Variants in SLCO3A1 observed in about 807,000 individuals in gnomAD.
The protein encoded by SLCO3A1 is solute carrier organic anion transporter family member 3A1.
In SLCO3A1, 27 loss-of-function variants were observed where a neutral mutation model predicts 63.1. That is an observed-to-expected ratio of 0.43 (90% confidence interval 0.32 to 0.59). The LOEUF is 0.59. SLCO3A1 is among the 20% of genes least tolerant of loss of function. The pLI is 0.09. For synonymous variants in SLCO3A1, 473 were observed against 409.9 expected, an observed-to-expected ratio of 1.15 and a Z score of -1.86; for missense variants, 773 against 945.8, an observed-to-expected ratio of 0.82 and a Z score of 2.40.
chr15:91,921,540 G>C (rs1052728509), intron 2 of SLCO3A1, among the ~76,000 whole-genome samples: 1 of 152,012 alleles, frequency 6.6e-6, no homozygotes. Flanking sequence ...AGGAATTGAT[G>C]ATATAGTTTT....
chr15:91,937,851 T>G (rs1032725411), intron 2 of SLCO3A1, among the ~76,000 whole-genome samples: 1 of 152,188 alleles, frequency 6.6e-6, no homozygotes, highest in African/African-American at 2.4e-5. Context: ...TTAGAACAAC[T>G]TTATTGCTTC....
chr15:92,132,567 G>A (rs981708730), intron 7 of SLCO3A1, among the ~76,000 whole-genome samples: 1 of 142,734 alleles, frequency 7.0e-6, no homozygotes, highest in Non-Finnish European at 1.6e-5. Context: ...TTAGTATGCT[G>A]TGGACTGATG....
At chr15:92,150,648 T>C (rs2151592623) in intron 8 of SLCO3A1, among the ~76,000 whole-genome samples, 2 of 152,238 alleles carry the variant, frequency 1.3e-5, no homozygotes, top group Middle Eastern at 6.8e-3. Flanking sequence ...AAAACCAACA[T>C]GTCTTTAAAC....
chr15:92,102,580 GC>G (rs11314458), intron 3 of SLCO3A1, among the ~76,000 whole-genome samples: 110,958 of 151,996 alleles, frequency 0.73, 40,674 homozygotes, highest in Admixed American at 0.83. Flanking sequence ...CTGGGATTCG[GC>G]CCCCAAGTAC....
intron 2 of SLCO3A1, among the ~76,000 whole-genome samples, chr15:91,937,613 G>A (rs572341254): frequency 6.6e-6 from 1 of 151,944 alleles, no homozygotes; most frequent in Admixed American, 6.6e-5. Context: ...CAGCTACTTG[G>A]GGGGCTGAGG....
intron 2 of SLCO3A1, among the ~76,000 whole-genome samples, chr15:92,020,797 A>G (rs2046499307): frequency 6.6e-6 from 1 of 152,204 alleles, no homozygotes; most frequent in Admixed American, 6.5e-5. Context: ...AATTTACCCA[A>G]TCCAGAAGGT....
chr15:91,926,045 G>A (rs1899000419), intron 2 of SLCO3A1, among the ~76,000 whole-genome samples: 1 of 152,200 alleles, frequency 6.6e-6, no homozygotes, highest in South Asian at 2.1e-4. Context: ...GGAAACTCAA[G>A]TAAGGCATTT....
At chr15:91,928,814 G>T (rs774774126) in intron 2 of SLCO3A1, among the ~76,000 whole-genome samples, 1 of 152,212 alleles carries the variant, frequency 6.6e-6, no homozygotes, top group Non-Finnish European at 1.5e-5. Context: ...TCTCCTTGTA[G>T]TAAAGTGAGA....
At chr15:92,153,080 TA>T (rs2048327848) in intron 9 of SLCO3A1, among the ~76,000 whole-genome samples, 1 of 152,250 alleles carries the variant, frequency 6.6e-6, no homozygotes, top group East Asian at 1.9e-4. Context: ...TACACTGCTG[TA>T]AAGCAGTTTC....
intron 1 of SLCO3A1, among the ~76,000 whole-genome samples, chr15:91,855,951 G>A (rs1319382047): frequency 1.3e-5 from 2 of 151,924 alleles, no homozygotes; most frequent in Admixed American, 1.3e-4. Flanking sequence ...TAAAAGCGTG[G>A]GCTTACTATT....
chr15:92,073,395 C>T (rs1313767190), intron 2 of SLCO3A1, among the ~76,000 whole-genome samples: 1 of 152,148 alleles, frequency 6.6e-6, no homozygotes, highest in East Asian at 1.9e-4. Context: ...AGGGTTGGTT[C>T]CTGAACCAGT....
At chr15:92,080,608 A>G (rs997742890) in intron 2 of SLCO3A1, among the ~76,000 whole-genome samples, 9 of 152,182 alleles carry the variant, frequency 5.9e-5, no homozygotes, top group African/African-American at 2.2e-4. Flanking sequence ...GAAGACCAGC[A>G]TAAGCAAGGC....
At chr15:92,157,763 C>T (rs1012217014) in intron 9 of SLCO3A1, among the ~76,000 whole-genome samples, 1 of 152,164 alleles carries the variant, frequency 6.6e-6, no homozygotes, top group Non-Finnish European at 1.5e-5. Flanking sequence ...GAACAAAAGC[C>T]AAACAGCAGC....
At chr15:91,893,609 C>G (rs1897930079) in intron 1 of SLCO3A1, among the ~76,000 whole-genome samples, 1 of 152,298 alleles carries the variant, frequency 6.6e-6, no homozygotes, top group East Asian at 1.9e-4. Context: ...CTAATACTAT[C>G]ACATTGGTGG....
intron 2 of SLCO3A1, among the ~76,000 whole-genome samples, chr15:91,980,606 A>G (rs946303605): frequency 3.3e-5 from 5 of 152,068 alleles, no homozygotes; most frequent in African/African-American, 1.2e-4. Context: ...TACTCCAGGG[A>G]TCATTCCATA....
At chr15:92,106,823 C>T (rs554224742) in intron 4 of SLCO3A1, among the ~76,000 whole-genome samples, 2 of 152,292 alleles carry the variant, frequency 1.3e-5, no homozygotes, top group South Asian at 2.1e-4. Flanking sequence ...CGCTCCTGGG[C>T]TGGGAGTCAC....
chr15:92,112,859 A>G (rs2047746164), intron 4 of SLCO3A1, among the ~76,000 whole-genome samples: 1 of 152,158 alleles, frequency 6.6e-6, no homozygotes, highest in African/African-American at 2.4e-5. Flanking sequence ...TCCATCGGGT[A>G]TTTCACCCCC....
intron 2 of SLCO3A1, among the ~76,000 whole-genome samples, chr15:92,059,787 C>CAG (rs1336865948): frequency 6.6e-6 from 1 of 152,230 alleles, no homozygotes; most frequent in Non-Finnish European, 1.5e-5. Context: ...AGCCCTAACA[C>CAG]AGCCTGATAA....
chr15:92,170,203 TA>T (rs1193214712), downstream of SLCO3A1, among the ~76,000 whole-genome samples: 1 of 152,182 alleles, frequency 6.6e-6, no homozygotes, highest in Non-Finnish European at 1.5e-5. Flanking sequence ...TTTTATAATC[TA>T]AGGCCATAAA....
Sources: gnomAD v4.1 joint callset for allele counts (sites outside exome capture counted in the v4.1 genomes callset) on GRCh38, gnomAD v4.1.1 for gene constraint, MANE v1.5 for transcripts, NCBI Gene and HGNC (gene_info 2026-07-23, HGNC 2026-07-21) for gene names.